TPRG1: variants seen among roughly 807,000 people sequenced by gnomAD.
The protein encoded by TPRG1 is tumor protein p63 regulated 1.
TPRG1 carries 29 observed loss-of-function variants against 29.3 expected under a neutral mutation model. The ratio of observed to expected loss-of-function variants is 0.99; its 90% confidence interval spans 0.74 to 1.35. The LOEUF (loss-of-function observed/expected upper bound fraction) is 1.35. TPRG1 is among the 40% of genes most tolerant of loss of function. The pLI is 0.00. For missense variants in TPRG1, 327 were observed against 335.0 expected (o/e 0.98, Z 0.19); for synonymous variants, 130 against 116.8 (o/e 1.11, Z -0.73).
chr3:189,179,796 T>A (rs1729971440), intron 1 of TPRG1, among the ~76,000 whole-genome samples: 1 of 152,234 alleles, frequency 6.6e-6, no homozygotes, highest in Admixed American at 6.5e-5. Context: ...GGGAGGTTAA[T>A]GTATGTCACA....
intron 1 of TPRG1, among the ~76,000 whole-genome samples, chr3:189,109,160 G>A (rs193066284): frequency 6.6e-6 from 1 of 152,046 alleles, no homozygotes; most frequent in Non-Finnish European, 1.5e-5. Flanking sequence ...AGAGAGAGAG[G>A]GAAGGAGAAG....
At chr3:189,176,871 C>T (rs923977947) in intron 1 of TPRG1, among the ~76,000 whole-genome samples, 1 of 152,128 alleles carries the variant, frequency 6.6e-6, no homozygotes, top group Non-Finnish European at 1.5e-5. Context: ...TAATGCAGGG[C>T]CCTGTAAGAC....
At chr3:189,230,999 G>A (rs1738550426) in intron 3 of TPRG1, among the ~76,000 whole-genome samples, 1 of 151,988 alleles carries the variant, frequency 6.6e-6, no homozygotes, top group South Asian at 2.1e-4. Flanking sequence ...AATGAATGTA[G>A]CATAACTCCT....
At chr3:189,182,684 T>A (rs1382047675) in intron 1 of TPRG1, among the ~76,000 whole-genome samples, 1 of 152,144 alleles carries the variant, frequency 6.6e-6, no homozygotes, top group Non-Finnish European at 1.5e-5. Context: ...GCATAGTCAT[T>A]ATAAAAGTAC....
At chr3:189,211,533 T>A (rs1735262506) in intron 2 of TPRG1, 1 of 152,184 alleles carries the variant, frequency 6.6e-6, no homozygotes, top group African/African-American at 2.4e-5. Context: ...TCTGGCCCCT[T>A]AAACCTCTTG....
chr3:189,085,447 A>ATGTGTG (rs55935182), intron 4 of TPRG1, among the ~76,000 whole-genome samples: 4 of 121,922 alleles, frequency 3.3e-5, no homozygotes, highest in East Asian at 2.2e-4. Flanking sequence ...GTGTGTGTGC[A>ATGTGTG]TGTGTGTGTG....
At chr3:189,140,532 C>T (rs138803169) in intron 3 of TPRG1, among the ~76,000 whole-genome samples, 224 of 152,250 alleles carry the variant, frequency 1.5e-3, no homozygotes, top group South Asian at 3.5e-3. Flanking sequence ...GCTTAAATAC[C>T]TCCTACAATG....
intron 4 of TPRG1, among the ~76,000 whole-genome samples, chr3:189,291,422 G>C (rs1718984865): frequency 6.6e-6 from 1 of 152,110 alleles, no homozygotes; most frequent in African/African-American, 2.4e-5. Context: ...TCTTCATAGG[G>C]TGATTCTGAG....
In TPRG1 at chr3:189,294,345, A is replaced by G. The variant is rs9809690; in HGVS notation, c.480-16041A>G. On this transcript the variant is annotated intron_variant, in intron 4 of 5. Transcript: ENST00000345063. ...TCTTTCTTGGAGCCAATTCCAAATTATATAATAACCAGATTTATGGCATAA... is the reference window on the plus strand; with the variant it reads ...TCTTTCTTGGAGCCAATTCCAAATTGTATAATAACCAGATTTATGGCATAA... 7.0e-3 allele frequency among the ~76,000 whole-genome samples: 1,072 copies of G among 152,268 alleles called. 13 individuals carry two copies. The highest frequency in any genetic ancestry group is 0.024 in the African/African-American group (999 of 41,520).
intron 4 of TPRG1, among the ~76,000 whole-genome samples, chr3:189,049,055 A>G (rs550520464): frequency 1.3e-5 from 2 of 152,316 alleles, no homozygotes; most frequent in African/African-American, 4.8e-5. Flanking sequence ...GGGTAGCCAG[A>G]GGAGCAGGGA....
intron 5 of TPRG1, among the ~76,000 whole-genome samples, chr3:189,316,014 G>C (rs1252806363): frequency 1.3e-5 from 2 of 152,200 alleles, no homozygotes; most frequent in African/African-American, 4.8e-5. Flanking sequence ...ATTTTAATTA[G>C]AGGAAACATG....
intron 3 of TPRG1, among the ~76,000 whole-genome samples, chr3:189,013,759 C>G (rs2152123192): frequency 6.6e-6 from 1 of 152,108 alleles, no homozygotes; most frequent in East Asian, 1.9e-4. Context: ...TATATATGAA[C>G]CCTCTACCCT....
chr3:189,164,549 C>T lies in TPRG1; in HGVS notation c.-10+13677C>T, dbSNP rs189714689. On this transcript the variant is annotated intron_variant, in intron 5 of 6. Transcript: ENST00000412373. ...TACTAGCTTCTTTGTTCATTATCTA[C>T]TTTTCTAGTCATTGCATTTGTTATT... 1.1e-3 allele frequency among the ~76,000 whole-genome samples: 161 copies of T among 151,780 alleles called. 2 individuals are homozygous for T. The highest frequency in any genetic ancestry group is 2.9e-3 in the South Asian group (14 of 4,806).
intron 4 of TPRG1, among the ~76,000 whole-genome samples, chr3:189,049,910 A>G (rs1408812780): frequency 6.6e-6 from 1 of 152,172 alleles, no homozygotes; most frequent in Non-Finnish European, 1.5e-5. Flanking sequence ...ACCTATCAAA[A>G]CCTCTGGGAT....
At chr3:189,023,064 C>A (rs1195367442) in intron 3 of TPRG1, among the ~76,000 whole-genome samples, 1 of 152,258 alleles carries the variant, frequency 6.6e-6, no homozygotes, top group Non-Finnish European at 1.5e-5. Flanking sequence ...CCGAGTGAGG[C>A]AATACCTCGC....
At chr3:189,065,415 A>G (rs780240684) in intron 4 of TPRG1, among the ~76,000 whole-genome samples, 10 of 152,172 alleles carry the variant, frequency 6.6e-5, no homozygotes, top group Non-Finnish European at 1.2e-4. Context: ...AGATGTAAAC[A>G]TTTTAAACAA....
At chr3:189,274,936 GT>G (rs1715857445) in intron 4 of TPRG1, among the ~76,000 whole-genome samples, 1 of 28,578 alleles carries the variant, frequency 3.5e-5, no homozygotes, top group African/African-American at 3.4e-4. Flanking sequence ...AATGTAATGA[GT>G]GTGTGTGTGT....
chr3:189,183,093 G>T (rs1000281341), intron 1 of TPRG1, among the ~76,000 whole-genome samples: 2 of 152,152 alleles, frequency 1.3e-5, no homozygotes, highest in African/African-American at 4.8e-5. Flanking sequence ...CAGTAGTCAC[G>T]TAGGTTCTTT....
chr3:189,000,521 AG>A (rs1711971790), intron 1 of TPRG1, among the ~76,000 whole-genome samples: 1 of 152,074 alleles, frequency 6.6e-6, no homozygotes, highest in African/African-American at 2.4e-5. Context: ...CTATTTCTAT[AG>A]GAGTTTGTAT....
Sources: allele counts gnomAD v4.1 joint callset (sites outside exome capture counted in the v4.1 genomes callset), GRCh38; gene constraint gnomAD v4.1.1; transcripts MANE v1.5; gene names NCBI Gene and HGNC (gene_info 2026-07-23, HGNC 2026-07-21).